ADAMTSL1: variants seen among roughly 807,000 people sequenced by gnomAD.
The protein encoded by ADAMTSL1 is ADAMTS-like protein 1.
ADAMTSL1 carries 126 observed loss-of-function variants against 201.8 expected under a neutral mutation model. The observed-to-expected ratio is 0.62, with a 90% CI of 0.54 to 0.72. ADAMTSL1 has a LOEUF of 0.72. Among genes scored for constraint, ADAMTSL1 ranks in the 30% least tolerant of loss-of-function variants. The probability of loss-of-function intolerance (pLI) is 0.00; values close to 1 mark genes in which losing one functional copy is unlikely to be tolerated. For synonymous variants in ADAMTSL1, 1,121 were observed against 903.4 expected (o/e 1.24, Z -4.32); for missense variants, 2,679 against 2,277.8 (o/e 1.18, Z -3.59).
At chr9:18,817,018 CA>C (rs1333283659) in intron 20 of ADAMTSL1, 90 bp from the exon 21 acceptor site, 1 of 1,482,050 alleles carries the variant, frequency 6.7e-7, no homozygotes, top group African/African-American at 1.4e-5. Flanking sequence ...GTAGACCAGC[CA>C]TGCATTGGTG....
chr9:18,600,053 A>C (rs1225967303), intron 4 of ADAMTSL1, among the ~76,000 whole-genome samples: 3 of 151,614 alleles, frequency 2.0e-5, no homozygotes, highest in African/African-American at 4.8e-5. Context: ...CTGTACTCCA[A>C]TACAGCAAAC....
chr9:18,573,920 G>C (rs13300372), intron 3 of ADAMTSL1, 110 bp from the exon 4 acceptor site: 228,616 of 769,814 alleles, frequency 0.3, 36,163 homozygotes, highest in Admixed American at 0.38. Context: ...ATCATGACCA[G>C]GACATTTGTT....
chr9:18,770,260 C>T (rs185499588), intron 16 of ADAMTSL1, among the ~76,000 whole-genome samples: 150 of 152,266 alleles, frequency 9.9e-4, no homozygotes, highest in Non-Finnish European at 2.0e-3. Context: ...TTCCCTGGAT[C>T]GTAAATATGC....
chr9:18,619,979 T>C (rs1024028321), intron 4 of ADAMTSL1, among the ~76,000 whole-genome samples: 3 of 151,946 alleles, frequency 2.0e-5, no homozygotes, highest in African/African-American at 7.3e-5. Flanking sequence ...TCAAAGGATT[T>C]GGTCCCTCCA....
chr9:18,824,182 T>A (rs958698491), intron 21 of ADAMTSL1, among the ~76,000 whole-genome samples: 6 of 150,812 alleles, frequency 4.0e-5, no homozygotes, highest in African/African-American at 2.4e-5. Flanking sequence ...TGCCGTGGAT[T>A]TTTTTTTTTA....
At chr9:18,613,328 G>T (rs1433458519) in intron 4 of ADAMTSL1, among the ~76,000 whole-genome samples, 1 of 152,154 alleles carries the variant, frequency 6.6e-6, no homozygotes, top group Non-Finnish European at 1.5e-5. Context: ...CCTAAAGACA[G>T]AAATACTATT....
intron 11 of ADAMTSL1, 115 bp from the exon 12 acceptor site, chr9:18,681,697 T>TGTTGG (rs370940110): frequency 1.7e-5 from 4 of 240,320 alleles, no homozygotes; most frequent in African/African-American, 6.5e-5. Context: ...AGTCCTCGTG[T>TGTTGG]GGGGGGGGGG....
intron 1 of ADAMTSL1, among the ~76,000 whole-genome samples, chr9:18,053,566 C>A (rs1354442510): frequency 2.0e-5 from 3 of 152,178 alleles, no homozygotes; most frequent in Non-Finnish European, 4.4e-5. Context: ...TAATTGCCAA[C>A]CTTTCTTGTC....
intron 21 of ADAMTSL1, among the ~76,000 whole-genome samples, chr9:18,819,792 G>C (rs773569433): frequency 6.6e-6 from 1 of 152,162 alleles, no homozygotes; most frequent in Non-Finnish European, 1.5e-5. Flanking sequence ...TATTCCTCTT[G>C]TTAAACAAGA....
chr9:18,823,450 G>T (rs1824335326), intron 21 of ADAMTSL1, among the ~76,000 whole-genome samples: 1 of 152,162 alleles, frequency 6.6e-6, no homozygotes, highest in Non-Finnish European at 1.5e-5. Context: ...GACATCAAGG[G>T]AATGGAAGAA....
At chr9:18,805,532 G>A (rs994557301) in intron 20 of ADAMTSL1, among the ~76,000 whole-genome samples, 3 of 152,120 alleles carry the variant, frequency 2.0e-5, no homozygotes, top group African/African-American at 7.2e-5. Context: ...TTACAGCTTT[G>A]CATGCATCCA....
intron 1 of ADAMTSL1, among the ~76,000 whole-genome samples, chr9:17,933,579 A>C (rs1826887029): frequency 3.3e-5 from 5 of 152,144 alleles, no homozygotes; most frequent in Admixed American, 3.3e-4. Context: ...GTAATTTATA[A>C]AGAAGAGAGG....
chr9:18,539,539 T>C (rs1297782112), intron 3 of ADAMTSL1, among the ~76,000 whole-genome samples: 1 of 152,170 alleles, frequency 6.6e-6, no homozygotes, highest in African/African-American at 2.4e-5. Flanking sequence ...AAGGGAAACA[T>C]ATCAAGACTT....
intron 2 of ADAMTSL1, among the ~76,000 whole-genome samples, chr9:18,403,602 A>G (rs1818069720): frequency 6.6e-6 from 1 of 152,226 alleles, no homozygotes; most frequent in African/African-American, 2.4e-5. Flanking sequence ...ATAGGTGTTT[A>G]ATGCCTGGGT....
At chr9:18,551,497 A>T (rs1263663769) in intron 3 of ADAMTSL1, among the ~76,000 whole-genome samples, 1 of 151,298 alleles carries the variant, frequency 6.6e-6, no homozygotes, top group Non-Finnish European at 1.5e-5. Flanking sequence ...TTGCTTGTAA[A>T]ATTATGAGAA....
rs185667866 is a variant in ADAMTSL1, at chr9:18,127,921, T to A, written c.88-35941T>A. On this transcript the variant is annotated intron_variant, in intron 1 of 29. Coordinates refer to the ADAMTSL1 transcript ENST00000680146. ...TCTTTGCTTAATGTGGCATGTAGCA[T>A]GTTAAGATAGGACCTTGACCTTTTC... Among the ~76,000 whole-genome samples the A allele has an allele frequency of 4.8e-3, 727 of 152,356 alleles. 11 individuals are homozygous for A. Among genetic ancestry groups the A allele is most frequent in the African/African-American group, 0.017 (708 of 41,588 alleles).
intron 4 of ADAMTSL1, among the ~76,000 whole-genome samples, chr9:18,599,763 G>A (rs1824504430): frequency 6.6e-6 from 1 of 151,130 alleles, no homozygotes; most frequent in South Asian, 2.1e-4. Context: ...TTAGTTGCCA[G>A]TATTTGAATA....
At chr9:18,155,138 G>T (rs2132059609) in intron 1 of ADAMTSL1, among the ~76,000 whole-genome samples, 1 of 152,014 alleles carries the variant, frequency 6.6e-6, no homozygotes, top group Admixed American at 6.6e-5. Flanking sequence ...CTTCTATTTT[G>T]TTTCCTTTGA....
intron 5 of ADAMTSL1, among the ~76,000 whole-genome samples, chr9:18,629,518 T>C (rs1826609779): frequency 6.6e-6 from 1 of 152,196 alleles, no homozygotes; most frequent in Non-Finnish European, 1.5e-5. Flanking sequence ...GTTTTTCTTC[T>C]TTAGATTGTT....
Sources: gnomAD v4.1 joint callset for allele counts (sites outside exome capture counted in the v4.1 genomes callset) on GRCh38, gnomAD v4.1.1 for gene constraint, MANE v1.5 for transcripts, NCBI Gene and HGNC (gene_info 2026-07-23, HGNC 2026-07-21) for gene names.